Variants in PLEKHA7 observed in about 807,000 individuals in gnomAD.
PLEKHA7 encodes the protein pleckstrin homology domain-containing family A member 7.
A neutral mutation model predicts 170.0 loss-of-function variants in PLEKHA7; 104 were observed. The ratio of observed to expected loss-of-function variants is 0.61; its 90% confidence interval spans 0.52 to 0.72. PLEKHA7 has a LOEUF of 0.72. Among genes scored for constraint, PLEKHA7 ranks in the 30% least tolerant of loss-of-function variants. PLEKHA7 has a pLI of 0.00. For missense variants in PLEKHA7, 1,615 were observed against 1,671.7 expected (o/e 0.97, Z 0.59); for synonymous variants, 648 against 660.8 (o/e 0.98, Z 0.30).
At chr11:16,831,078 C>CA (rs1160564626) in intron 9 of PLEKHA7, among the ~76,000 whole-genome samples, 24 of 152,278 alleles carry the variant, frequency 1.6e-4, no homozygotes, top group African/African-American at 5.8e-4. Context: ...GTCAGCTTGC[C>CA]ACTGGGCAGT....
chr11:16,818,379 T>C (rs1849936596), intron 10 of PLEKHA7, among the ~76,000 whole-genome samples: 1 of 152,244 alleles, frequency 6.6e-6, no homozygotes, highest in Non-Finnish European at 1.5e-5. Context: ...GTACCCTTCC[T>C]GCCCTTCTTA....
chr11:16,959,228 T>TCCCCAAGCC, intron 3 of PLEKHA7, among the ~76,000 whole-genome samples: 1 of 151,924 alleles, frequency 6.6e-6, no homozygotes, highest in African/African-American at 2.4e-5. Context: ...TGCTCCCCTC[T>TCCCCAAGCC]CTCCCCCTCA....
chr11:16,843,704 C>T (rs1852154755), intron 8 of PLEKHA7, among the ~76,000 whole-genome samples: 1 of 152,188 alleles, frequency 6.6e-6, no homozygotes, highest in African/African-American at 2.4e-5. Flanking sequence ...CTTTGGGAAG[C>T]CAAGGCGGGT....
Position 16,791,135 on chromosome 11 carries a change from G to C in PLEKHA7, c.2810C>G (p.Ala937Gly). The C allele has an allele frequency of 6.2e-7, 1 of 1,613,950 alleles. No individual in the cohort carries two copies. Among genetic ancestry groups the C allele is most frequent in the Non-Finnish European group, 8.5e-7 (1 of 1,179,932 alleles). ...ELYSPEDQPP[A>G]VPPLPREATI... ...GGCCTCTCTTGGCAGAGGCGGCACA[G>C]CCGGGGGCTGGTCCTCTGGGCTGTA... Residue 937 changes from alanine (A) to glycine (G), a missense_variant, in exon 20 of 27, where the codon GCT becomes GGT. Physicochemically the swap from Ala to Gly is moderately conservative, Grantham distance 60. Coordinates refer to ENST00000531066, the MANE Select transcript of PLEKHA7 (RefSeq NM_001329630.2). The surrounding 1 kb of genome is among the most constrained non-coding windows in gnomAD (Gnocchi z 4.5).
chr11:16,850,630 C>T (rs1375839253), intron 8 of PLEKHA7, among the ~76,000 whole-genome samples: 2 of 152,172 alleles, frequency 1.3e-5, no homozygotes, highest in Non-Finnish European at 2.9e-5. Context: ...CCTCACTCAG[C>T]CCAAATGGTA....
chr11:16,986,989 G>GCCCAGCCCAA (rs752935677), intron 3 of PLEKHA7, among the ~76,000 whole-genome samples: 45 of 152,274 alleles, frequency 3.0e-4, no homozygotes, highest in Non-Finnish European at 4.7e-4. Flanking sequence ...CAGTCTTACT[G>GCCCAGCCCAA]CCCAGCCCAA....
chr11:16,888,909 A>T (rs200441280), intron 3 of PLEKHA7, among the ~76,000 whole-genome samples: 1,639 of 114,436 alleles, frequency 0.014, no homozygotes, highest in Middle Eastern at 0.059. Flanking sequence ...GGAAGATAAA[A>T]AAAAAAAAGA....
At chr11:16,994,385 C>T (rs2136980786) in intron 3 of PLEKHA7, among the ~76,000 whole-genome samples, 1 of 152,310 alleles carries the variant, frequency 6.6e-6, no homozygotes, top group East Asian at 1.9e-4. Context: ...TTCTATTTTA[C>T]AGCAGGAGTG....
intron 9 of PLEKHA7, among the ~76,000 whole-genome samples, chr11:16,840,535 G>C (rs1459761856): frequency 6.6e-6 from 1 of 152,166 alleles, no homozygotes; most frequent in Non-Finnish European, 1.5e-5. Flanking sequence ...ACTCCAGCCT[G>C]GGTGACAAAA....
At chr11:17,013,572 C>G (rs6486342) in intron 3 of PLEKHA7, among the ~76,000 whole-genome samples, 96,519 of 152,046 alleles carry the variant, frequency 0.63, 31,289 homozygotes, top group East Asian at 0.96. Context: ...TCTCCCCACT[C>G]CAACCCCGCA....
chr11:16,943,188 T>C (rs990535452), intron 3 of PLEKHA7, among the ~76,000 whole-genome samples: 2 of 152,334 alleles, frequency 1.3e-5, no homozygotes, highest in African/African-American at 4.8e-5. Flanking sequence ...ATTTTCATAA[T>C]ATATTTTACT....
intron 3 of PLEKHA7, among the ~76,000 whole-genome samples, chr11:16,996,284 T>C (rs1360665662): frequency 6.6e-6 from 1 of 152,186 alleles, no homozygotes; most frequent in Non-Finnish European, 1.5e-5. Context: ...CATGACCCCA[T>C]AGCTGCCCTA....
chr11:16,788,999 T>TC (rs1432570011), intron 23 of PLEKHA7, 97 bp downstream of exon 23: 2 of 1,413,648 alleles, frequency 1.4e-6, no homozygotes, highest in Non-Finnish European at 1.9e-6. Flanking sequence ...AATGGACAGC[T>TC]CTCTCACTGG....
At chr11:16,782,465 G>A (rs1333334032) in intron 26 of PLEKHA7, among the ~76,000 whole-genome samples, 1 of 152,188 alleles carries the variant, frequency 6.6e-6, no homozygotes, top group Non-Finnish European at 1.5e-5. Flanking sequence ...TAGTCTCAGA[G>A]GAAGTGGGGT....
At chr11:16,940,490 A>G (rs1860617412) in intron 3 of PLEKHA7, among the ~76,000 whole-genome samples, 3 of 151,844 alleles carry the variant, frequency 2.0e-5, no homozygotes, top group Non-Finnish European at 4.4e-5. Context: ...GGGTTCCACC[A>G]GATTGGCTGC....
intron 3 of PLEKHA7, among the ~76,000 whole-genome samples, chr11:16,907,654 T>C: frequency 8.8e-6 from 1 of 113,602 alleles, no homozygotes. Context: ...AAGGAGCCCC[T>C]CTGCCCGGCC....
intron 8 of PLEKHA7, among the ~76,000 whole-genome samples, chr11:16,847,070 T>C (rs1470213219): frequency 3.5e-5 from 5 of 144,380 alleles, no homozygotes; most frequent in Non-Finnish European, 7.5e-5. Context: ...TTCCAGGCTG[T>C]GGCTGAAGTT....
At chr11:16,974,333 G>C (rs907737099) in intron 3 of PLEKHA7, among the ~76,000 whole-genome samples, 1 of 145,922 alleles carries the variant, frequency 6.9e-6, no homozygotes, top group East Asian at 2.0e-4. Flanking sequence ...CCACAATTTC[G>C]TCATTGGGTG....
intron 4 of PLEKHA7, among the ~76,000 whole-genome samples, chr11:16,862,680 T>A (rs539302132): frequency 6.6e-6 from 1 of 152,276 alleles, no homozygotes; most frequent in East Asian, 1.9e-4. Flanking sequence ...GCATCCCCAG[T>A]GCTGATGCCC....
Sources: gnomAD v4.1 joint callset for allele counts (sites outside exome capture counted in the v4.1 genomes callset) on GRCh38, gnomAD v4.1.1 for gene constraint, Gnocchi (gnomAD v3.1) non-coding constraint, MANE v1.5 for transcripts, NCBI Gene and HGNC (gene_info 2026-07-23, HGNC 2026-07-21) for gene names.